The following CUBN variants were observed in gnomAD, a reference collection of about 807,000 sequenced individuals.
CUBN encodes cubilin, also known as 460 kDa receptor.
A neutral mutation model predicts 405.3 loss-of-function variants in CUBN; 282 were observed. The observed-to-expected ratio is 0.70, with a 90% CI of 0.63 to 0.77. The LOEUF (loss-of-function observed/expected upper bound fraction) is 0.77. Ranked by LOEUF, CUBN falls within the 30% of genes least tolerant of loss-of-function variation. The pLI is 0.00. For missense variants in CUBN, 4,514 were observed against 4,475.2 expected (o/e 1.01, Z -0.25); for synonymous variants, 1,684 against 1,617.0 (o/e 1.04, Z -0.99).
chr10:16,988,555 T>C (rs1055897298), intron 29 of CUBN, among the ~76,000 whole-genome samples: 9 of 152,158 alleles, frequency 5.9e-5, no homozygotes, highest in African/African-American at 1.9e-4. Context: ...CTAAAAGTAA[T>C]TCCTTGTGAC....
chr10:17,068,956 G>A (rs1484989933), intron 19 of CUBN, among the ~76,000 whole-genome samples, 186 bp from the exon 20 acceptor site: 1 of 152,088 alleles, frequency 6.6e-6, no homozygotes, highest in African/African-American at 2.4e-5. Flanking sequence ...TCATTCCCCT[G>A]AAACCACAGC....
At chr10:17,096,551 T>C (rs1481961967) in intron 14 of CUBN, among the ~76,000 whole-genome samples, 1 of 152,058 alleles carries the variant, frequency 6.6e-6, no homozygotes, top group Non-Finnish European at 1.5e-5. Context: ...TCTAGAATCA[T>C]AGTTTGAGAT....
At chr10:16,937,317 A>G (rs1022555558) in intron 39 of CUBN, among the ~76,000 whole-genome samples, 2 of 152,164 alleles carry the variant, frequency 1.3e-5, no homozygotes, top group African/African-American at 4.8e-5. Flanking sequence ...AGGGATTTCT[A>G]AAGTGGTCTC....
At chr10:17,057,952 C>T (rs567909155) in intron 22 of CUBN, among the ~76,000 whole-genome samples, 1 of 152,108 alleles carries the variant, frequency 6.6e-6, no homozygotes, top group Admixed American at 6.5e-5. Context: ...GAAAACCTGT[C>T]TCTACTAAAA....
chr10:17,127,629 T>A (rs1837229613), intron 3 of CUBN, among the ~76,000 whole-genome samples, 200 bp downstream of exon 3: 1 of 152,096 alleles, frequency 6.6e-6, no homozygotes, highest in Non-Finnish European at 1.5e-5. Flanking sequence ...CTGCAACAAG[T>A]GCTTGCACAG....
At chr10:17,127,218 C>G (rs553996896) in intron 3 of CUBN, among the ~76,000 whole-genome samples, 1 of 150,600 alleles carries the variant, frequency 6.6e-6, no homozygotes, top group South Asian at 2.1e-4. Context: ...TTCTTTCTCT[C>G]TCTCTCTCTG....
chr10:16,950,033 A>C lies in CUBN; in HGVS notation c.5048T>G (p.Leu1683Trp). 6.2e-7 allele frequency: 1 copy of C among 1,613,980 alleles called. No homozygotes were observed. The highest frequency in any genetic ancestry group is 8.5e-7 in the Non-Finnish European group (1 of 1,179,934). ...TTCARDFVEILDGGHEDAPLR... is the reference protein window; with the variant it reads ...TTCARDFVEIWDGGHEDAPLR... ...GGGCGCGTCTTCGTGGCCGCCATCC[A>C]AAATTTCTACAAAGTCACGTGCACA... is the stretch of plus-strand genomic sequence containing the variant. Residue 1683 changes from leucine (L) to tryptophan (W), a missense_variant, in exon 34 of 67, where the codon TTG becomes TGG. Physicochemically the swap from Leu to Trp is moderately conservative, Grantham distance 61 (BLOSUM62 -2). Coordinates refer to ENST00000377833, the MANE Select transcript of CUBN (RefSeq NM_001081.4).
chr10:16,851,164 A>G, intron 60 of CUBN, 71 bp downstream of exon 60: 3 of 1,286,766 alleles, frequency 2.3e-6, no homozygotes, highest in Non-Finnish European at 3.4e-6. Context: ...TCCTGTAACG[A>G]TATAAACTGG....
intron 28 of CUBN, among the ~76,000 whole-genome samples, chr10:17,002,072 G>T (rs956329425): frequency 4.6e-5 from 7 of 152,150 alleles, no homozygotes; most frequent in African/African-American, 1.7e-4. Context: ...ACAAGTCCTT[G>T]GATATGTAAT....
At chr10:17,071,641 T>C (rs988747694) in intron 18 of CUBN, 37 bp from the exon 19 acceptor site, 1 of 1,589,332 alleles carries the variant, frequency 6.3e-7, no homozygotes. Flanking sequence ...CTTGTCCAGA[T>C]ATTAATAATT....
At chr10:17,097,142 A>C (rs1836393388) in intron 14 of CUBN, among the ~76,000 whole-genome samples, 1 of 152,100 alleles carries the variant, frequency 6.6e-6, no homozygotes, top group South Asian at 2.1e-4. Flanking sequence ...GAAAACATTA[A>C]CGGAGCCAAT....
intron 51 of CUBN, among the ~76,000 whole-genome samples, chr10:16,901,878 C>T (rs1292955390): frequency 9.0e-6 from 1 of 110,546 alleles, no homozygotes; most frequent in Non-Finnish European, 1.8e-5. Flanking sequence ...TATATATATA[C>T]ACCATATATA....
At chr10:16,885,577 T>C (rs1327760001) in intron 56 of CUBN, among the ~76,000 whole-genome samples, 1 of 152,162 alleles carries the variant, frequency 6.6e-6, no homozygotes, top group Non-Finnish European at 1.5e-5. Context: ...TTAAGATCCA[T>C]CCTAAATGCT....
chr10:16,962,825 A>ACGCACC, intron 31 of CUBN, among the ~76,000 whole-genome samples: 2 of 152,174 alleles, frequency 1.3e-5, no homozygotes, highest in African/African-American at 4.8e-5. Context: ...GCCAGGAAGC[A>ACGCACC]TGCAGGTGAG....
At chr10:17,016,153 G>A (rs1834322378) in intron 28 of CUBN, among the ~76,000 whole-genome samples, 1 of 151,706 alleles carries the variant, frequency 6.6e-6, no homozygotes, top group South Asian at 2.1e-4. Context: ...ATTTTCTTAA[G>A]GCCTCCCATA....
chr10:17,086,014 G>A (rs528326893), intron 15 of CUBN, among the ~76,000 whole-genome samples: 5 of 148,198 alleles, frequency 3.4e-5, no homozygotes, highest in Admixed American at 6.8e-5. Flanking sequence ...TCACCAGGCT[G>A]GAGTGCAGTG....
intron 27 of CUBN, among the ~76,000 whole-genome samples, chr10:17,033,267 A>G (rs1367956365): frequency 3.3e-5 from 5 of 152,090 alleles, no homozygotes; most frequent in African/African-American, 1.2e-4. Context: ...CTGGTGTGTT[A>G]TTCATCCTCA....
At chr10:17,039,010 T>A (rs1379704991) in intron 27 of CUBN, among the ~76,000 whole-genome samples, 1 of 152,316 alleles carries the variant, frequency 6.6e-6, no homozygotes, top group Middle Eastern at 3.4e-3. Flanking sequence ...CACCTTTTTG[T>A]TGCCATTTCA....
intron 31 of CUBN, among the ~76,000 whole-genome samples, chr10:16,975,624 CTTTTTTTTTTT>C (rs199779818): frequency 0.41 from 51,742 of 126,632 alleles, 9,928 homozygotes; most frequent in East Asian, 0.51. Context: ...TAAAGACCTT[CTTTTTTTTTTT>C]TTTTTTTTTT....
Sources: gnomAD v4.1 joint callset for allele counts (sites outside exome capture counted in the v4.1 genomes callset) on GRCh38, gnomAD v4.1.1 for gene constraint, MANE v1.5 for transcripts, NCBI Gene and HGNC (gene_info 2026-07-23, HGNC 2026-07-21) for gene names.